Variants in ANP32B observed in about 807,000 individuals in gnomAD.
ANP32B encodes the protein acidic nuclear phosphoprotein 32 family member B.
Under a neutral mutation model 32.2 loss-of-function variants are expected in ANP32B, and 6 were observed. The observed-to-expected ratio is 0.19, with a 90% CI of 0.10 to 0.37. The LOEUF (loss-of-function observed/expected upper bound fraction) is 0.37. ANP32B is among the 10% of genes least tolerant of loss of function. ANP32B has a pLI of 1.00. For synonymous variants in ANP32B, 98 were observed against 105.8 expected, an observed-to-expected ratio of 0.93 and a Z score of 0.45; for missense variants, 204 against 289.2, an observed-to-expected ratio of 0.71 and a Z score of 2.14.
chr9:97,994,900 T>TA, intron 2 of ANP32B, 120 bp downstream of exon 2: 1 of 976,230 alleles, frequency 1.0e-6, no homozygotes, highest in Non-Finnish European at 1.5e-6. Context: ...ACTGGGCAGA[T>TA]ATGGGATTGA....
intron 2 of ANP32B, among the ~76,000 whole-genome samples, chr9:97,996,538 T>C (rs1359490231): frequency 6.6e-6 from 1 of 152,190 alleles, no homozygotes; most frequent in Non-Finnish European, 1.5e-5. Flanking sequence ...AGGTTGAGTG[T>C]ACTCATGATT....
At chr9:97,994,345 C>T (rs1361350535) in intron 1 of ANP32B, among the ~76,000 whole-genome samples, 1 of 152,160 alleles carries the variant, frequency 6.6e-6, no homozygotes, top group Non-Finnish European at 1.5e-5. Context: ...AAGGGGAATA[C>T]GCTTACTTCA....
rs149451207 is a variant in ANP32B, at chr9:97,992,967, A to T, written c.55-1664A>T. Among the ~76,000 whole-genome samples the T allele has an allele frequency of 2.3e-4, 35 of 152,270 alleles. 1 individual carries two copies. Among genetic ancestry groups the T allele is most frequent in the African/African-American group, 7.7e-4 (32 of 41,560 alleles). ...TAAGTGACTCGCACAAGGTCGCACA[A>T]GTTCTGAGTGGCAGAGGTGAACCAG... On this transcript the variant is annotated intron_variant, in intron 1 of 6. Transcript: ENST00000339399.
intron 6 of ANP32B, among the ~76,000 whole-genome samples, chr9:98,012,983 G>C (rs1215160685): frequency 6.6e-6 from 1 of 152,238 alleles, no homozygotes; most frequent in Non-Finnish European, 1.5e-5. Context: ...ACCCGCCTCA[G>C]CCTCCCAAAG....
At chr9:98,006,353 T>G (rs1038366230) in intron 4 of ANP32B, among the ~76,000 whole-genome samples, 2 of 152,146 alleles carry the variant, frequency 1.3e-5, no homozygotes, top group African/African-American at 4.8e-5. Flanking sequence ...ATCTGATGCT[T>G]TTTTTAGTCA....
intron 1 of ANP32B, among the ~76,000 whole-genome samples, chr9:97,993,269 G>A (rs181919841): frequency 6.6e-6 from 1 of 152,290 alleles, no homozygotes; most frequent in Admixed American, 6.5e-5. Flanking sequence ...ATGGGGGAAG[G>A]AGAGTGGTGG....
intron 3 of ANP32B, among the ~76,000 whole-genome samples, chr9:98,003,245 C>T (rs979310202): frequency 2.0e-5 from 3 of 152,160 alleles, no homozygotes; most frequent in African/African-American, 4.8e-5. Context: ...AGGGGTGCAA[C>T]GTTTTCCTGT....
At position 97,991,396 on chromosome 9, in the gene ANP32B, C is replaced by T. The variant is rs568685339; in HGVS notation, c.55-3235C>T. Among the ~76,000 whole-genome samples, 329 of 152,300 alleles carry T rather than the reference C, an allele frequency of 2.2e-3. 2 individuals are homozygous for T. Among genetic ancestry groups the T allele is most frequent in the African/African-American group, 7.7e-3 (318 of 41,560 alleles). On this transcript the variant is annotated intron_variant, in intron 1 of 6. Transcript: ENST00000339399. The stretch of plus-strand genomic sequence containing the variant: ...TCCCAAAATACTGGGATTGTAGGCA[C>T]TAGCCACTGCACCTGGCCTTGAACA...
In ANP32B at chr9:97,994,797, T is replaced by A. The variant is rs372216408; in HGVS notation, c.204+17T>A. ...TTGAAAAAGGTAAGTGCTTTTTCTT[T>A]AACAGTAAAAGAGAACGATCCTGGG... On this transcript the variant is annotated intron_variant, in intron 2 of 6. Transcript: ENST00000339399. 64 of 1,578,680 alleles carry A rather than the reference T, an allele frequency of 4.1e-5. No homozygotes were observed. In the African/African-American group the frequency reaches 7.4e-4, roughly 18 times the overall value.
In ANP32B at chr9:98,012,465, G is replaced by C; in HGVS notation, c.681G>C (p.Glu227Asp). 6.2e-7 allele frequency: 1 copy of C among 1,612,368 alleles called. No homozygotes were observed. Residue 227 changes from glutamate to aspartate, a missense_variant, in exon 6 of 7, where the codon GAG (glutamate) becomes GAC (aspartate). Coordinates refer to ENST00000339399, the MANE Select transcript of ANP32B (RefSeq NM_006401.3). ...ATGAAGAAGATGAAGATGAGGATGA[G>C]GATGAAGGTGGGCCTAATGCATGCA... ...GLDEEDEDED[E>D]DEEEEEGGKG...
chr9:98,011,536 T>C, intron 5 of ANP32B, 147 bp downstream of exon 5: 1 of 1,264,328 alleles, frequency 7.9e-7, no homozygotes, highest in Non-Finnish European at 1.1e-6. Flanking sequence ...TCTGGTTAAT[T>C]TAGTGTTTGT....
At chr9:98,010,584 G>A (rs537671797) in intron 4 of ANP32B, among the ~76,000 whole-genome samples, 1 of 152,226 alleles carries the variant, frequency 6.6e-6, no homozygotes, top group African/African-American at 2.4e-5. Flanking sequence ...GAGACTCCAA[G>A]GTGGAGTCAG....
chr9:98,012,444 A>G lies in ANP32B; in HGVS notation c.660A>G (p.Glu220=), dbSNP rs1564142195. ...AGGAAGAAGAATTTGGACTTGATGA[A>G]GAAGATGAAGATGAGGATGAGGATG... The part of the protein sequence containing the change: ...SEEEEEFGLD[E]EDEDEDEDEE... Residue 220 remains glutamate, a synonymous_variant, in exon 6 of 7, where the codon GAA becomes GAG. Coordinates refer to ENST00000339399, the MANE Select transcript of ANP32B (RefSeq NM_006401.3). 9 of 1,610,148 alleles carry G rather than the reference A, an allele frequency of 5.6e-6. No homozygotes were observed. Among genetic ancestry groups the G allele is most frequent in the Non-Finnish European group, 6.8e-6 (8 of 1,179,570 alleles).
chr9:97,985,476 C>G (rs750443916), intron 1 of ANP32B, among the ~76,000 whole-genome samples: 5 of 152,176 alleles, frequency 3.3e-5, no homozygotes, highest in Non-Finnish European at 7.3e-5. Context: ...TAGCCTATCG[C>G]CCAGCTCGCG....
chr9:98,006,334 T>G (rs1296591582), intron 4 of ANP32B, among the ~76,000 whole-genome samples: 2 of 152,218 alleles, frequency 1.3e-5, no homozygotes, highest in African/African-American at 4.8e-5. Flanking sequence ...TGACAGGCTT[T>G]AAGTCAGAAT....
At chr9:97,998,514 T>G in intron 2 of ANP32B, 42 bp from the exon 3 acceptor site, 1 of 1,555,926 alleles carries the variant, frequency 6.4e-7, no homozygotes, top group Non-Finnish European at 8.7e-7. Context: ...TCTGTTTCTC[T>G]GTGTGTATTT....
At chr9:97,998,410 A>T in intron 2 of ANP32B, 146 bp from the exon 3 acceptor site, 1 of 818,414 alleles carries the variant, frequency 1.2e-6, no homozygotes, top group Non-Finnish European at 1.7e-6. Context: ...GATTTAAACA[A>T]AATGAACATG....
rs1457685768 is a variant in ANP32B, at chr9:97,994,604, T to C, written c.55-27T>C. 13 of 1,547,674 alleles carry C rather than the reference T, an allele frequency of 8.4e-6. No homozygotes were observed. The East Asian group carries it at 2.9e-4, about 35-fold the overall frequency. On this transcript the variant is annotated intron_variant, in intron 1 of 6. Coordinates refer to ENST00000339399, the MANE Select transcript of ANP32B (RefSeq NM_006401.3). ...TTGTTTTCAATGTGTTTTTGAGAGCTTATCCTTTTTTCTTTGTCATCCACA... is the reference window on the plus strand; with the variant it reads ...TTGTTTTCAATGTGTTTTTGAGAGCCTATCCTTTTTTCTTTGTCATCCACA...
chr9:98,012,404 T>C lies in ANP32B; in HGVS notation c.637-17T>C. The stretch of plus-strand genomic sequence containing the variant: ...TGGCAGAATTAATTTAATGTTATGC[T>C]GTTTGCTATTCTTTAGGAAGAAGAA... On this transcript the variant is annotated splice_polypyrimidine_tract_variant and intron_variant, in intron 5 of 6. Coordinates refer to ENST00000339399, the MANE Select transcript of ANP32B (RefSeq NM_006401.3). The C allele has an allele frequency of 6.2e-7, 1 of 1,609,810 alleles. No individual in the cohort carries two copies. The highest frequency in any genetic ancestry group is 8.5e-7 in the Non-Finnish European group (1 of 1,178,664).
Sources: gnomAD v4.1 joint callset for allele counts (sites outside exome capture counted in the v4.1 genomes callset) on GRCh38, gnomAD v4.1.1 for gene constraint, MANE v1.5 for transcripts, NCBI Gene and HGNC (gene_info 2026-07-23, HGNC 2026-07-21) for gene names.